Variants in CBL observed in about 807,000 individuals in gnomAD.
CBL encodes the protein E3 ubiquitin-protein ligase CBL.
CBL carries 45 observed loss-of-function variants against 96.9 expected under a neutral mutation model. That is an observed-to-expected ratio of 0.46 (90% confidence interval 0.37 to 0.60). The LOEUF is 0.60. Ranked by LOEUF, CBL falls within the 20% of genes least tolerant of loss-of-function variation. The pLI is 0.00. For missense variants in CBL, 1,024 were observed against 1,143.5 expected, an observed-to-expected ratio of 0.90 and a Z score of 1.51; for synonymous variants, 420 against 426.8, an observed-to-expected ratio of 0.98 and a Z score of 0.20.
At chr11:119,223,836 A>G (rs1949432299) in intron 1 of CBL, among the ~76,000 whole-genome samples, 1 of 152,040 alleles carries the variant, frequency 6.6e-6, no homozygotes, top group Admixed American at 6.6e-5. Context: ...CATGTTGGCC[A>G]GGCTGGTCTC....
At chr11:119,280,107 G>T (rs1459956851) in intron 9 of CBL, among the ~76,000 whole-genome samples, 1 of 152,184 alleles carries the variant, frequency 6.6e-6, no homozygotes, top group Admixed American at 6.5e-5. Flanking sequence ...CATGTATTTT[G>T]TCATTTGGCC....
rs1483681182 is a variant in CBL at position 119,301,789 on chromosome 11, A to T, written c.*2008A>T. 2 of 233,200 alleles carry T rather than the reference A, an allele frequency of 8.6e-6. No individual in the cohort carries two copies. The highest frequency in any genetic ancestry group is 5.6e-5 in the Admixed American group (1 of 17,780). The allele number at this position is 233,200 out of a possible 1,614,324, so 14.4% of individuals were successfully genotyped here. A position where few individuals can be genotyped will look rare whatever the true frequency, so the allele number is the denominator to read the frequency against. ...GCAGAGGAAGATGGCAGTGAATATC[A>T]AACAGTAGACCGCCATCAACTTCTA... On this transcript the variant is annotated 3_prime_UTR_variant, in exon 16 of 16. Transcript: ENST00000264033.
chr11:119,247,274 A>C (rs993638285), intron 2 of CBL, among the ~76,000 whole-genome samples: 2 of 152,230 alleles, frequency 1.3e-5, no homozygotes, highest in Non-Finnish European at 2.9e-5. Flanking sequence ...GAAGCAGACA[A>C]GATAGCCTAC....
intron 2 of CBL, among the ~76,000 whole-genome samples, chr11:119,240,150 C>T (rs1374379418): frequency 6.6e-6 from 1 of 151,950 alleles, no homozygotes; most frequent in Non-Finnish European, 1.5e-5. Flanking sequence ...AAACAATTAG[C>T]TGGACATGGT....
Position 119,275,007 on chromosome 11 carries a change from C to A in CBL, c.869+54C>A. On this transcript the variant is annotated intron_variant, in intron 5 of 15. Transcript: ENST00000264033. ...TCTTCTGAATTTCGTTATCTTGAGA[C>A]TTCTGCTAGTATAGAAGAAACATGA... 5 of 1,594,002 alleles carry A rather than the reference C, an allele frequency of 3.1e-6. No individual in the cohort carries two copies. In the South Asian group the frequency reaches 4.4e-5, roughly 14 times the overall value.
intron 2 of CBL, among the ~76,000 whole-genome samples, chr11:119,252,128 T>G (rs1189455452): frequency 6.6e-6 from 1 of 151,702 alleles, no homozygotes; most frequent in Non-Finnish European, 1.5e-5. Flanking sequence ...TTAAATTTGT[T>G]ACAGAAATGG....
At chr11:119,286,168 T>C (rs1949983360) in intron 11 of CBL, among the ~76,000 whole-genome samples, 1 of 151,910 alleles carries the variant, frequency 6.6e-6, no homozygotes, top group South Asian at 2.1e-4. Flanking sequence ...GGCCTGGTGG[T>C]GGGTGTCTGT....
intron 2 of CBL, among the ~76,000 whole-genome samples, chr11:119,249,791 G>C (rs1293728528): frequency 1.3e-5 from 2 of 151,572 alleles, no homozygotes; most frequent in African/African-American, 4.8e-5. Context: ...CCAAGTTGCT[G>C]AGAATACAGG....
chr11:119,230,145 G>GTTTTTGT (rs1949490018), intron 1 of CBL, among the ~76,000 whole-genome samples: 1 of 151,312 alleles, frequency 6.6e-6, no homozygotes, highest in Non-Finnish European at 1.5e-5. Flanking sequence ...AAGAAAATAG[G>GTTTTTGT]TTTTTGTTTT....
intron 2 of CBL, among the ~76,000 whole-genome samples, chr11:119,238,183 A>G (rs1013977503): frequency 6.8e-6 from 1 of 146,788 alleles, no homozygotes; most frequent in African/African-American, 2.5e-5. Context: ...GAATTTCTGC[A>G]TGAATTTAGA....
intron 2 of CBL, among the ~76,000 whole-genome samples, chr11:119,241,807 G>A (rs1949588565): frequency 6.6e-6 from 1 of 152,182 alleles, no homozygotes; most frequent in Non-Finnish European, 1.5e-5. Flanking sequence ...TTCAGTCCAT[G>A]AGAGAGACAA....
At chr11:119,282,608 C>T (rs1234743711) in intron 9 of CBL, among the ~76,000 whole-genome samples, 1 of 152,134 alleles carries the variant, frequency 6.6e-6, no homozygotes, top group Non-Finnish European at 1.5e-5. Context: ...TCTTTGGTTG[C>T]AGAGACCAGA....
At chr11:119,249,564 A>AAG (rs1283408813) in intron 2 of CBL, among the ~76,000 whole-genome samples, 2 of 151,858 alleles carry the variant, frequency 1.3e-5, no homozygotes, top group Non-Finnish European at 2.9e-5. Context: ...AAAAAAAAAA[A>AAG]AAATGCTGTG....
intron 1 of CBL, among the ~76,000 whole-genome samples, chr11:119,223,039 G>C (rs1277226194): frequency 6.6e-6 from 1 of 151,942 alleles, no homozygotes; most frequent in Admixed American, 6.6e-5. Context: ...AATTATCCAG[G>C]TGTGGTGGCG....
chr11:119,301,103 T>C lies in CBL; in HGVS notation c.*1322T>C, dbSNP rs1202923484. ...GCTGCCTCCCGATGATGTGGTTCTT[T>C]TCTTGTGCCTGTGGCTTTGGGAATG... On this transcript the variant is annotated 3_prime_UTR_variant, in exon 16 of 16. Coordinates refer to ENST00000264033, the MANE Select transcript of CBL (RefSeq NM_005188.4). 1 of 233,282 alleles carries C rather than the reference T, an allele frequency of 4.3e-6. No individual in the cohort carries two copies. The highest frequency in any genetic ancestry group is 8.5e-6 in the Non-Finnish European group (1 of 118,090). 14.5% of individuals were successfully genotyped at this position (233,282 alleles called of 1,614,324 possible).
At position 119,298,551 on chromosome 11, in the gene CBL, A is replaced by G; in HGVS notation, c.2434+11A>G. 6.2e-7 allele frequency: 1 copy of G among 1,613,736 alleles called. No individual in the cohort carries two copies. The highest frequency in any genetic ancestry group is 8.5e-7 in the Non-Finnish European group (1 of 1,179,604). Reference sequence around the variant, plus strand: ...GTGATCCTACAACAAGTGAGTCTCCAGACTACTTTGGGTTTGTCCTGAATG... The same window carrying G: ...GTGATCCTACAACAAGTGAGTCTCCGGACTACTTTGGGTTTGTCCTGAATG... On this transcript the variant is annotated intron_variant, in intron 15 of 15. Transcript: ENST00000264033.
intron 2 of CBL, among the ~76,000 whole-genome samples, chr11:119,255,957 A>G (rs908016776): frequency 2.0e-5 from 3 of 149,290 alleles, no homozygotes; most frequent in Non-Finnish European, 3.0e-5. Context: ...CTGGTCTTGA[A>G]CTCCTGGTCT....
chr11:119,213,786 A>G (rs1212867306), intron 1 of CBL, among the ~76,000 whole-genome samples: 2 of 151,970 alleles, frequency 1.3e-5, no homozygotes, highest in Non-Finnish European at 2.9e-5. Flanking sequence ...AGCTCACTGC[A>G]TCCTTAAGCG....
Position 119,260,892 on chromosome 11 carries a change from A to G in CBL, c.444-10843A>G, listed in dbSNP as rs550992010. ...AGTCCCAGATCCTTAATGACTCCCC[A>G]CTGCACTGCATTTGTATTTTCTTTC... On this transcript the variant is annotated intron_variant, in intron 2 of 15. Coordinates refer to ENST00000264033, the MANE Select transcript of CBL (RefSeq NM_005188.4). Among the ~76,000 whole-genome samples the G allele has an allele frequency of 5.2e-5, 7 of 134,742 alleles. No individual in the cohort carries two copies. In the South Asian group the frequency reaches 1.6e-3, roughly 32 times the overall value. The allele number at this position is 134,742 out of a possible 152,430, so 88.4% of individuals were successfully genotyped here.
Sources: gnomAD v4.1 joint callset for allele counts (sites outside exome capture counted in the v4.1 genomes callset) on GRCh38, gnomAD v4.1.1 for gene constraint, MANE v1.5 for transcripts, NCBI Gene and HGNC (gene_info 2026-07-23, HGNC 2026-07-21) for gene names.